HDAC8: variants seen among roughly 807,000 people sequenced by gnomAD.
HDAC8 encodes histone deacetylase-like 1.
HDAC8 carries 1 observed loss-of-function variant against 32.2 expected under a neutral mutation model. The observed-to-expected ratio is 0.03, with a 90% confidence interval of 0.01 to 0.15. The LOEUF (loss-of-function observed/expected upper bound fraction) is 0.15, where lower values mean the gene tolerates loss of function less well. HDAC8 is among the 10% of genes least tolerant of loss of function. The probability of loss-of-function intolerance (pLI) is 1.00; values close to 1 mark genes in which losing one functional copy is unlikely to be tolerated. For missense variants in HDAC8, 117 were observed against 300.0 expected (o/e 0.39, Z 4.51); for synonymous variants, 108 against 113.9 (o/e 0.95, Z 0.33).
In HDAC8 at chrX:72,423,207, A is replaced by G. The variant is rs182012518; in HGVS notation, c.1005+38797T>C. ...TACATGGTGCACCTTTAGATCTGAC[A>G]CTGAACTTTTATTTAATTTGAATTT... On this transcript the variant is annotated intron_variant, in intron 9 of 10. Coordinates refer to ENST00000373573, the MANE Select transcript of HDAC8 (RefSeq NM_018486.3). Among the ~76,000 whole-genome samples the G allele has an allele frequency of 5.4e-5, 6 of 111,873 alleles. No homozygotes were observed. The East Asian group carries it at 1.7e-3, about 31-fold the overall frequency.
intron 10 of HDAC8, among the ~76,000 whole-genome samples, chrX:72,350,688 A>C (rs1488717053): frequency 8.9e-6 from 1 of 112,412 alleles, no homozygotes; most frequent in Non-Finnish European, 1.9e-5. Flanking sequence ...AAAATACGTA[A>C]TGCGAATGGT....
At chrX:72,480,369 TATTAGC>T (rs1221193354) in intron 7 of HDAC8, 40 of 329,207 alleles carry the variant, frequency 1.2e-4, no homozygotes, top group Non-Finnish European at 2.1e-4. Flanking sequence ...ATGGGGAATG[TATTAGC>T]TTGTGCTCAT....
intron 9 of HDAC8, among the ~76,000 whole-genome samples, chrX:72,361,250 TG>T (rs1401793497): frequency 3.6e-5 from 4 of 112,009 alleles, no homozygotes; most frequent in African/African-American, 6.5e-5. Flanking sequence ...AAGAATTGTT[TG>T]AGTGAATGAA....
intron 4 of HDAC8, among the ~76,000 whole-genome samples, chrX:72,537,872 A>C (rs2050579611): frequency 8.9e-6 from 1 of 112,181 alleles, no homozygotes; most frequent in Non-Finnish European, 1.9e-5. Flanking sequence ...TTCCAAAGAC[A>C]GTACATGAAA....
At chrX:72,451,715 G>A (rs1013457468) in intron 9 of HDAC8, among the ~76,000 whole-genome samples, 7 of 113,021 alleles carry the variant, frequency 6.2e-5, no homozygotes, top group Admixed American at 4.7e-4. Context: ...AAAGGACTTC[G>A]GCTTCTGGCC....
intron 9 of HDAC8, among the ~76,000 whole-genome samples, chrX:72,394,861 CCCT>C (rs1555965138): frequency 9.0e-6 from 1 of 111,389 alleles, no homozygotes; most frequent in Admixed American, 9.6e-5. Context: ...CTCATAAATC[CCCT>C]CCTCCTCTTG....
chrX:72,515,131 C>T (rs1388233324), intron 4 of HDAC8, among the ~76,000 whole-genome samples: 1 of 111,150 alleles, frequency 9.0e-6, no homozygotes, highest in African/African-American at 3.3e-5. Context: ...CATTGTTGTA[C>T]ATTAGCTTTC....
intron 9 of HDAC8, among the ~76,000 whole-genome samples, chrX:72,392,720 T>C (rs1170926016): frequency 8.9e-6 from 1 of 112,386 alleles, no homozygotes; most frequent in Non-Finnish European, 1.9e-5. Context: ...ATCTTTTCTC[T>C]GGGTGTGGGA....
At chrX:72,431,162 C>T (rs2046805120) in intron 9 of HDAC8, among the ~76,000 whole-genome samples, 1 of 111,214 alleles carries the variant, frequency 9.0e-6, no homozygotes, top group Non-Finnish European at 1.9e-5. Context: ...TTCTCCATCA[C>T]CTTCATCACC....
intron 9 of HDAC8, among the ~76,000 whole-genome samples, chrX:72,410,940 C>T (rs934437822): frequency 7.2e-5 from 8 of 111,373 alleles, no homozygotes; most frequent in African/African-American, 2.6e-4. Flanking sequence ...TTTCCCACCT[C>T]ACTCTTCTCT....
chrX:72,349,634 C>T (rs782544343), intron 10 of HDAC8, among the ~76,000 whole-genome samples: 5 of 112,038 alleles, frequency 4.5e-5, no homozygotes, highest in Admixed American at 9.5e-5. Flanking sequence ...CACCAACCCT[C>T]GTCCTAGCCT....
chrX:72,355,272 A>G lies in HDAC8; in HGVS notation c.1006-3434T>C, dbSNP rs1232155793. Among the ~76,000 whole-genome samples, 3 of 112,239 alleles carry G rather than the reference A, an allele frequency of 2.7e-5. No homozygotes were observed. The South Asian group carries it at 1.1e-3, about 42-fold the overall frequency. ...ACTAGAAATAGCTTGAGGCCCCTCC[A>G]GCCCCGAAGAGGAAAGGAAATGGGC... On this transcript the variant is annotated intron_variant, in intron 9 of 10. Coordinates refer to ENST00000373573, the MANE Select transcript of HDAC8 (RefSeq NM_018486.3).
chrX:72,569,248 G>A (rs2051918342), intron 2 of HDAC8, among the ~76,000 whole-genome samples: 3 of 112,142 alleles, frequency 2.7e-5, no homozygotes, highest in African/African-American at 9.7e-5. Flanking sequence ...TGAACCAGTT[G>A]CGAATTGGGC....
intron 4 of HDAC8, among the ~76,000 whole-genome samples, chrX:72,545,332 A>G (rs1246551575): frequency 8.9e-6 from 1 of 112,614 alleles, no homozygotes. Flanking sequence ...AGAACTCCTG[A>G]GTATAACCTA....
chrX:72,479,897 A>G (rs1237005853), intron 7 of HDAC8, among the ~76,000 whole-genome samples: 3 of 112,368 alleles, frequency 2.7e-5, no homozygotes, highest in African/African-American at 9.7e-5. Context: ...GTTTCAGGAT[A>G]ACTCAGTGAA....
At chrX:72,354,044 T>C (rs782353787) in intron 9 of HDAC8, among the ~76,000 whole-genome samples, 2 of 112,190 alleles carry the variant, frequency 1.8e-5, no homozygotes, top group Non-Finnish European at 3.8e-5. Flanking sequence ...ACCAAGAGCA[T>C]ATGGTTGCAA....
At chrX:72,455,051 C>A (rs1216158168) in intron 9 of HDAC8, among the ~76,000 whole-genome samples, 1 of 112,368 alleles carries the variant, frequency 8.9e-6, no homozygotes, top group Admixed American at 9.5e-5. Context: ...ACTAACTAAT[C>A]TTTGAAGACG....
At chrX:72,362,295 C>G (rs782733945) in intron 9 of HDAC8, among the ~76,000 whole-genome samples, 1 of 111,766 alleles carries the variant, frequency 8.9e-6, no homozygotes, top group Non-Finnish European at 1.9e-5. Context: ...CTTGCTTCCT[C>G]TCTGGCCATG....
chrX:72,362,083 T>C (rs1173874700), intron 9 of HDAC8, among the ~76,000 whole-genome samples: 3 of 110,917 alleles, frequency 2.7e-5, no homozygotes, highest in Non-Finnish European at 5.7e-5. Context: ...CTGATGTAGT[T>C]TGGATGTGTG....
Sources: gnomAD v4.1 joint callset for allele counts (sites outside exome capture counted in the v4.1 genomes callset) on GRCh38, gnomAD v4.1.1 for gene constraint, MANE v1.5 for transcripts, NCBI Gene and HGNC (gene_info 2026-07-23, HGNC 2026-07-21) for gene names.